Variants in MEOX2 observed in about 807,000 individuals in gnomAD.
MEOX2 encodes the protein homeobox protein MOX-2.
MEOX2 carries 11 observed loss-of-function variants against 27.0 expected under a neutral mutation model. That is an observed-to-expected ratio of 0.41 (90% confidence interval 0.26 to 0.68). The LOEUF (loss-of-function observed/expected upper bound fraction) is 0.68. Among genes scored for constraint, MEOX2 ranks in the 30% least tolerant of loss-of-function variants. MEOX2 has a pLI of 0.33. For synonymous variants in MEOX2, 189 were observed against 155.4 expected, an observed-to-expected ratio of 1.22 and a Z score of -1.61; for missense variants, 436 against 385.4, an observed-to-expected ratio of 1.13 and a Z score of -1.10.
At chr7:15,666,673 A>C (rs1481014164) in intron 1 of MEOX2, among the ~76,000 whole-genome samples, 3 of 143,492 alleles carry the variant, frequency 2.1e-5, no homozygotes, top group Non-Finnish European at 4.5e-5. Flanking sequence ...AATTGCTTGA[A>C]CCTGGGAGGC....
chr7:15,645,979 T>C (rs1356929932), intron 1 of MEOX2, among the ~76,000 whole-genome samples: 1 of 152,150 alleles, frequency 6.6e-6, no homozygotes, highest in Non-Finnish European at 1.5e-5. Context: ...CATAAGTAGA[T>C]GCCTAATACT....
intron 1 of MEOX2, among the ~76,000 whole-genome samples, chr7:15,642,569 C>G (rs1319299935): frequency 6.6e-6 from 1 of 152,036 alleles, no homozygotes. Context: ...TCTTATTGAT[C>G]TTGCTTACAA....
chr7:15,677,073 G>C (rs1782206537), intron 1 of MEOX2, among the ~76,000 whole-genome samples: 2 of 151,942 alleles, frequency 1.3e-5, no homozygotes, highest in Admixed American at 1.3e-4. Context: ...TACATTTCAG[G>C]GAAATTTCAT....
At chr7:15,628,227 G>C (rs1781346232) in intron 1 of MEOX2, among the ~76,000 whole-genome samples, 1 of 151,876 alleles carries the variant, frequency 6.6e-6, no homozygotes, top group African/African-American at 2.4e-5. Context: ...ATTTCTTTCT[G>C]TCTGCCTGAG....
intron 2 of MEOX2, among the ~76,000 whole-genome samples, chr7:15,616,667 G>A (rs1260148170): frequency 2.6e-5 from 4 of 151,756 alleles, no homozygotes; most frequent in African/African-American, 9.7e-5. Context: ...TAAAAAATAA[G>A]TATTTGAATT....
At chr7:15,623,177 C>T (rs932840825) in intron 2 of MEOX2, among the ~76,000 whole-genome samples, 2 of 152,152 alleles carry the variant, frequency 1.3e-5, no homozygotes, top group African/African-American at 4.8e-5. Flanking sequence ...CTTTAAAACC[C>T]CAACCTCCAG....
chr7:15,621,158 A>G (rs1455875363), intron 2 of MEOX2, among the ~76,000 whole-genome samples: 1 of 152,214 alleles, frequency 6.6e-6, no homozygotes, highest in Admixed American at 6.5e-5. Context: ...GGTGACTCTG[A>G]CAATTGAAGA....
intron 1 of MEOX2, among the ~76,000 whole-genome samples, chr7:15,635,821 A>G (rs890850958): frequency 1.3e-5 from 2 of 152,034 alleles, no homozygotes; most frequent in Non-Finnish European, 2.9e-5. Flanking sequence ...TGGCTAATGT[A>G]CAAACGAAGC....
At chr7:15,650,362 G>T (rs1188538938) in intron 1 of MEOX2, among the ~76,000 whole-genome samples, 3 of 152,032 alleles carry the variant, frequency 2.0e-5, no homozygotes, top group Admixed American at 6.6e-5. Context: ...ACCAGATTCA[G>T]CATCTTGTGC....
intron 1 of MEOX2, chr7:15,676,127 C>T (rs563122612): frequency 2.0e-5 from 3 of 152,164 alleles, no homozygotes; most frequent in East Asian, 1.9e-4. Flanking sequence ...ACTGAGTCAA[C>T]GCAGTCAACC....
intron 1 of MEOX2, among the ~76,000 whole-genome samples, chr7:15,651,384 T>C (rs1294898244): frequency 6.6e-6 from 1 of 151,990 alleles, no homozygotes; most frequent in African/African-American, 2.4e-5. Flanking sequence ...CTAAAAATTG[T>C]AAGAAATTTT....
intron 1 of MEOX2, among the ~76,000 whole-genome samples, chr7:15,676,873 G>A (rs1037274119): frequency 1.3e-5 from 2 of 150,958 alleles, no homozygotes; most frequent in African/African-American, 4.9e-5. Context: ...AAAAAAAAGA[G>A]TCCTCATTTT....
intron 1 of MEOX2, among the ~76,000 whole-genome samples, chr7:15,637,989 G>A (rs1781510445): frequency 1.3e-5 from 2 of 151,936 alleles, no homozygotes; most frequent in African/African-American, 4.8e-5. Context: ...ACATTTATTA[G>A]CCTTTTCTAA....
chr7:15,645,244 G>T (rs1490240217), intron 1 of MEOX2, among the ~76,000 whole-genome samples: 1 of 152,156 alleles, frequency 6.6e-6, no homozygotes, highest in Non-Finnish European at 1.5e-5. Flanking sequence ...AATCACAGGG[G>T]CTATGCAAAT....
chr7:15,664,445 T>C (rs1781966594), intron 1 of MEOX2, among the ~76,000 whole-genome samples: 1 of 152,132 alleles, frequency 6.6e-6, no homozygotes, highest in Non-Finnish European at 1.5e-5. Flanking sequence ...CAATGAGTCA[T>C]AGTTCTGAAA....
At chr7:15,625,970 C>T (rs949302131) in intron 2 of MEOX2, among the ~76,000 whole-genome samples, 16 of 152,102 alleles carry the variant, frequency 1.1e-4, no homozygotes, top group Non-Finnish European at 1.6e-4. Context: ...ATTACTGACA[C>T]CGATACAATT....
Position 15,655,090 on chromosome 7 carries a change from A to C in MEOX2, c.518-28172T>G, listed in dbSNP as rs140284256. 5.3e-4 allele frequency among the ~76,000 whole-genome samples: 81 copies of C among 151,640 alleles called. No individual in the cohort carries two copies. The East Asian group carries it at 0.014, about 27-fold the overall frequency. On this transcript the variant is annotated intron_variant, in intron 1 of 2. Transcript: ENST00000262041. Reference sequence around the variant, plus strand: ...TTAGAACTATTCAAAAATTTTTTTCATATTGGGTGAATTGCACTAGTTTGT... The same window carrying C: ...TTAGAACTATTCAAAAATTTTTTTCCTATTGGGTGAATTGCACTAGTTTGT...
chr7:15,675,668 T>C (rs1782181723), intron 1 of MEOX2, among the ~76,000 whole-genome samples: 1 of 152,198 alleles, frequency 6.6e-6, no homozygotes, highest in African/African-American at 2.4e-5. Flanking sequence ...TCTAGTGTCT[T>C]GATTATTTTG....
intron 1 of MEOX2, among the ~76,000 whole-genome samples, chr7:15,635,045 C>G (rs1298086005): frequency 6.6e-6 from 1 of 151,906 alleles, no homozygotes; most frequent in Non-Finnish European, 1.5e-5. Context: ...TTGATTACAT[C>G]CATATCATTT....
Sources: allele counts gnomAD v4.1 joint callset (sites outside exome capture counted in the v4.1 genomes callset), GRCh38; gene constraint gnomAD v4.1.1; transcripts MANE v1.5; gene names NCBI Gene and HGNC (gene_info 2026-07-23, HGNC 2026-07-21).